The following PCDHGA4 variants were observed in gnomAD, a reference collection of about 807,000 sequenced individuals.
The protein encoded by PCDHGA4 is protocadherin gamma subfamily A, 4.
Under a neutral mutation model 54.6 loss-of-function variants are expected in PCDHGA4, and 38 were observed. The ratio of observed to expected loss-of-function variants is 0.70; its 90% CI spans 0.54 to 0.91. PCDHGA4 has a LOEUF of 0.91. Ranked by LOEUF, PCDHGA4 falls within the 40% of genes least tolerant of loss-of-function variation. PCDHGA4 has a pLI of 0.00. For missense variants in PCDHGA4, 1,298 were observed against 1,220.9 expected (o/e 1.06, Z -0.94); for synonymous variants, 511 against 512.9 (o/e 1.00, Z 0.05).
chr5:141,429,387 TAA>T (rs11410533), intron 1 of PCDHGA4, among the ~76,000 whole-genome samples: 155 of 151,446 alleles, frequency 1.0e-3, no homozygotes, highest in African/African-American at 3.5e-3. Flanking sequence ...GTTTTTTTTT[TAA>T]AAAAAATTGA....
intron 1 of PCDHGA4, chr5:141,372,783 C>G (rs1324941616): frequency 1.9e-6 from 3 of 1,606,014 alleles, no homozygotes; most frequent in South Asian, 2.2e-5. Context: ...TCCAGAAATG[C>G]CTTCTAATTC....
At chr5:141,371,831 C>G (rs374832321) in intron 1 of PCDHGA4, 7 of 1,613,652 alleles carry the variant, frequency 4.3e-6, no homozygotes, top group Non-Finnish European at 5.1e-6. Flanking sequence ...CCTCGGATCC[C>G]GACTTGGGAC....
chr5:141,399,559 G>C, intron 1 of PCDHGA4: 1 of 1,614,038 alleles, frequency 6.2e-7, no homozygotes, highest in Non-Finnish European at 8.5e-7. Context: ...CCTGGACTTG[G>C]GGTTGAACGG....
intron 1 of PCDHGA4, chr5:141,408,445 C>T (rs759314379): frequency 2.5e-6 from 4 of 1,613,846 alleles, no homozygotes; most frequent in Admixed American, 1.7e-5. Flanking sequence ...ACGCGGAGAG[C>T]GGGGACTTAC....
At chr5:141,412,666 G>C (rs991501719) in intron 1 of PCDHGA4, 3 of 152,120 alleles carry the variant, frequency 2.0e-5, no homozygotes, top group African/African-American at 7.2e-5. Flanking sequence ...ACACTAATAT[G>C]ACCTAAAATA....
chr5:141,418,102 C>T (rs760484009), intron 1 of PCDHGA4: 15 of 1,614,014 alleles, frequency 9.3e-6, no homozygotes, highest in Non-Finnish European at 1.3e-5. Context: ...ACGCGCAGAG[C>T]GGGGACTTAC....
Position 141,389,586 on chromosome 5 carries a change from G to A in PCDHGA4, c.2514+31965G>A, listed in dbSNP as rs369593580. 471 of 1,613,048 alleles carry A rather than the reference G, an allele frequency of 2.9e-4. No homozygotes were observed. Among genetic ancestry groups the A allele is most frequent in the Non-Finnish European group, 3.8e-4 (446 of 1,179,788 alleles). ...GGTGCTGTACCCCGCGCTGGGTCCC[G>A]ACGGCTCTGCGCTCTTCGATATGGT... On this transcript the variant is annotated intron_variant, in intron 1 of 3. Coordinates refer to ENST00000571252, the MANE Select transcript of PCDHGA4 (RefSeq NM_018917.4).
Position 141,503,868 on chromosome 5 carries a change from G to A in PCDHGA4, c.2574-1525G>A, listed in dbSNP as rs928240898. Among the ~76,000 whole-genome samples, 24 of 152,202 alleles carry A rather than the reference G, an allele frequency of 1.6e-4. No individual in the cohort carries two copies. The South Asian group carries it at 4.1e-3, about 26-fold the overall frequency. ...TTGGAAAAATTGTAAAGCAGTTCTT[G>A]GTTGTGCTCACCCACCATGACAAAA... On this transcript the variant is annotated intron_variant, in intron 2 of 3. Coordinates refer to ENST00000571252, the MANE Select transcript of PCDHGA4 (RefSeq NM_018917.4).
chr5:141,401,250 GA>G (rs1387561920), intron 1 of PCDHGA4, among the ~76,000 whole-genome samples: 4 of 152,148 alleles, frequency 2.6e-5, no homozygotes, highest in African/African-American at 9.7e-5. Flanking sequence ...GCTAAGACAG[GA>G]GAATTGCTTG....
intron 1 of PCDHGA4, chr5:141,370,755 G>C: frequency 6.2e-7 from 1 of 1,613,972 alleles, no homozygotes; most frequent in South Asian, 1.1e-5. Flanking sequence ...TCATGTAACT[G>C]TGCTGATCCA....
chr5:141,371,160 C>T, intron 1 of PCDHGA4: 4 of 1,614,022 alleles, frequency 2.5e-6, no homozygotes, highest in Non-Finnish European at 2.5e-6. Context: ...AGAGAACCTG[C>T]CCGCTGGCTC....
intron 1 of PCDHGA4, chr5:141,360,392 T>C: frequency 6.2e-7 from 1 of 1,613,906 alleles, no homozygotes; most frequent in South Asian, 1.1e-5. Flanking sequence ...GACTTACTTG[T>C]GAGTGACAGA....
chr5:141,357,567 G>C lies in PCDHGA4; in HGVS notation c.2460G>C (p.Glu820Asp), dbSNP rs751974557. The change falls in exon 1 of 4, where the codon GAG (glutamate) becomes GAC (aspartate). Residue 820 changes from glutamate (E) to aspartate (D), a missense_variant. Transcript: ENST00000571252. ...GCCGGGAGAGTTGTGAGAAAAGCGA[G>C]CCTCTTCTGATAACTCAGGATTTAC... ...LISRESCEKS[E>D]PLLITQDLLE... The C allele has an allele frequency of 2.4e-5, 39 of 1,614,096 alleles. No homozygotes were observed. The highest frequency in any genetic ancestry group is 3.2e-5 in the Non-Finnish European group (38 of 1,180,048).
rs72790032 is a variant in PCDHGA4 at position 141,393,544 on chromosome 5, A to G, written c.2514+35923A>G. On this transcript the variant is annotated intron_variant, in intron 1 of 3. Coordinates refer to ENST00000571252, the MANE Select transcript of PCDHGA4 (RefSeq NM_018917.4). ...AATGACAATGCCCCGGTTTTTCCTC[A>G]CCCGATTTACCGAGTGAAAGTCCTT... 18,579 of 1,613,800 alleles carry G rather than the reference A, an allele frequency of 0.012. 149 individuals carry two copies. The highest frequency in any genetic ancestry group is 0.014 in the Non-Finnish European group (16,983 of 1,179,880).
At chr5:141,506,130 GAGA>G (rs560751517) in intron 3 of PCDHGA4, among the ~76,000 whole-genome samples, 2 of 152,170 alleles carry the variant, frequency 1.3e-5, no homozygotes, top group Admixed American at 1.3e-4. Context: ...CCCAGAGCAG[GAGA>G]AGAAGAATAT....
chr5:141,364,438 G>C (rs766900400), intron 1 of PCDHGA4: 111 of 1,613,704 alleles, frequency 6.9e-5, no homozygotes, highest in Non-Finnish European at 8.6e-5. Context: ...ACTCGATGCC[G>C]GAGGAGCTGG....
intron 1 of PCDHGA4, chr5:141,370,553 C>G: frequency 6.2e-7 from 1 of 1,613,810 alleles, no homozygotes; most frequent in Non-Finnish European, 8.5e-7. Context: ...TCGCCAAGGA[C>G]CTGGGGTTTG....
chr5:141,373,969 C>T, intron 1 of PCDHGA4: 2 of 1,010,234 alleles, frequency 2.0e-6, no homozygotes, highest in Non-Finnish European at 2.7e-6. Context: ...TGAAACGCTT[C>T]GCATCCGGTC....
chr5:141,483,589 G>A (rs189449393), intron 1 of PCDHGA4, among the ~76,000 whole-genome samples: 17 of 152,214 alleles, frequency 1.1e-4, no homozygotes, highest in Admixed American at 1.1e-3. Context: ...ACACCTAATA[G>A]GTCAGGCTGG....
Sources: gnomAD v4.1 joint callset for allele counts (sites outside exome capture counted in the v4.1 genomes callset) on GRCh38, gnomAD v4.1.1 for gene constraint, MANE v1.5 for transcripts, NCBI Gene and HGNC (gene_info 2026-07-23, HGNC 2026-07-21) for gene names.